ARID4A: variants seen among roughly 807,000 people sequenced by gnomAD.
The protein encoded by ARID4A is AT-rich interactive domain-containing protein 4A.
Under a neutral mutation model 148.6 loss-of-function variants are expected in ARID4A, and 39 were observed. The ratio of observed to expected loss-of-function variants is 0.26; its 90% confidence interval spans 0.20 to 0.34. The LOEUF is 0.34. Ranked by LOEUF, ARID4A falls within the 10% of genes least tolerant of loss-of-function variation. ARID4A has a pLI of 1.00. For missense variants in ARID4A, 1,265 were observed against 1,449.1 expected, an observed-to-expected ratio of 0.87 and a Z score of 2.06; for synonymous variants, 475 against 481.2, an observed-to-expected ratio of 0.99 and a Z score of 0.17.
At chr14:58,307,794 T>C (rs1431099998) in intron 5 of ARID4A, among the ~76,000 whole-genome samples, 1 of 152,236 alleles carries the variant, frequency 6.6e-6, no homozygotes, top group Non-Finnish European at 1.5e-5. Flanking sequence ...CACTCCAGCC[T>C]GGGCAACAAG....
intron 5 of ARID4A, among the ~76,000 whole-genome samples, chr14:58,308,382 T>C (rs940580663): frequency 6.6e-6 from 1 of 152,232 alleles, no homozygotes; most frequent in Non-Finnish European, 1.5e-5. Context: ...CAAGAATGTT[T>C]TAATAAGCAT....
intron 5 of ARID4A, among the ~76,000 whole-genome samples, chr14:58,312,130 CAT>C (rs912152889): frequency 3.3e-5 from 5 of 151,954 alleles, no homozygotes; most frequent in Admixed American, 2.0e-4. Context: ...AAGTGATCCA[CAT>C]GTTAATTAGC....
chr14:58,328,947 C>T (rs911462609), intron 9 of ARID4A, among the ~76,000 whole-genome samples: 3 of 151,058 alleles, frequency 2.0e-5, no homozygotes, highest in South Asian at 4.2e-4. Flanking sequence ...GAGCCGAGAT[C>T]GCGCCACTGC....
At chr14:58,327,827 A>G (rs1422561941) in intron 8 of ARID4A, among the ~76,000 whole-genome samples, 1 of 151,970 alleles carries the variant, frequency 6.6e-6, no homozygotes, top group African/African-American at 2.4e-5. Flanking sequence ...ACACACCACC[A>G]CACCAGGCTA....
chr14:58,344,697 T>G lies in ARID4A; in HGVS notation c.909T>G (p.Pro303=). Residue 303 remains proline, a splice_region_variant and synonymous_variant, in exon 12 of 24, where the codon CCT becomes CCG. Coordinates refer to ENST00000355431, the MANE Select transcript of ARID4A (RefSeq NM_002892.4). ...ATTTATATATTTTATCTTTACAGCCTGAGGAAGAACTTGATCCTGAAGAGA... is the reference window on the plus strand; with the variant it reads ...ATTTATATATTTTATCTTTACAGCCGGAGGAAGAACTTGATCCTGAAGAGA... ...KEAKKTEEEV[P]EEELDPEERD... The G allele has an allele frequency of 6.2e-7, 1 of 1,609,176 alleles. No individual in the cohort carries two copies. Among genetic ancestry groups the G allele is most frequent in the Non-Finnish European group, 8.5e-7 (1 of 1,176,372 alleles).
intron 23 of ARID4A, among the ~76,000 whole-genome samples, chr14:58,371,132 A>C (rs759825692): frequency 2.5e-4 from 38 of 152,238 alleles, no homozygotes; most frequent in Non-Finnish European, 5.0e-4. Context: ...TCTACAAAAA[A>C]TTTAAAAATT....
intron 16 of ARID4A, among the ~76,000 whole-genome samples, chr14:58,352,135 T>C (rs1355845173): frequency 6.6e-6 from 1 of 152,218 alleles, no homozygotes; most frequent in Non-Finnish European, 1.5e-5. Flanking sequence ...TTATGTGATA[T>C]TAAATTTTCT....
intron 16 of ARID4A, 179 bp downstream of exon 16, chr14:58,351,502 TA>T: frequency 3.8e-6 from 3 of 791,066 alleles, no homozygotes; most frequent in Non-Finnish European, 5.8e-6. Flanking sequence ...AATTGGAGAA[TA>T]TACTGGTCGC....
In ARID4A at chr14:58,364,861, A is replaced by G. The variant is rs2035285413; in HGVS notation, c.2772A>G (p.Gln924=). 1.2e-6 allele frequency: 2 copies of G among 1,614,152 alleles called. No homozygotes were observed. Among genetic ancestry groups the G allele is most frequent in the African/African-American group, 1.3e-5 (1 of 75,060 alleles). ...LIAESNQCIQ[Q]LTSERFDSPA... ...CAGAGTCAAACCAATGCATCCAACA[A>G]CTGACTAGTGAAAGATTTGATAGTC... is the stretch of plus-strand genomic sequence containing the variant. Residue 924 remains glutamine (Q), a synonymous_variant, in exon 20 of 24, where the codon CAA becomes CAG. Transcript: ENST00000355431.
In ARID4A at chr14:58,353,812, G is replaced by A. The variant is rs751895211; in HGVS notation, c.1810G>A (p.Gly604Arg). ...ASIKSTEIDD[G>R]EVLYLVHYYG... Reference sequence around the variant, plus strand: ...TATTAAAAGCACTGAAATTGATGACGGAGAAGTTTTATATTTGGTACATTA... The same window carrying A: ...TATTAAAAGCACTGAAATTGATGACAGAGAAGTTTTATATTTGGTACATTA... The change falls in exon 17 of 24, where the codon GGA becomes AGA. Residue 604 changes from glycine (G) to arginine (R), a missense_variant. Around this residue, in one of 9 missense-constraint regions of ARID4A, gnomAD observed 30 missense variants for 65.7 expected, o/e 0.46. Coordinates refer to ENST00000355431, the MANE Select transcript of ARID4A (RefSeq NM_002892.4). 32 of 1,613,666 alleles carry A rather than the reference G, an allele frequency of 2.0e-5. No homozygotes were observed. Among genetic ancestry groups the A allele is most frequent in the Admixed American group, 6.7e-5 (4 of 59,990 alleles).
intron 5 of ARID4A, among the ~76,000 whole-genome samples, chr14:58,313,467 A>T (rs2032193584): frequency 6.6e-6 from 1 of 152,180 alleles, no homozygotes; most frequent in Admixed American, 6.5e-5. Context: ...GGTGGAGCTC[A>T]GGTGGTAATG....
intron 5 of ARID4A, among the ~76,000 whole-genome samples, chr14:58,306,633 T>G (rs1452097904): frequency 2.6e-5 from 4 of 152,160 alleles, no homozygotes; most frequent in African/African-American, 7.2e-5. Context: ...ATCCTAGCAT[T>G]TTGGAAAGCT....
chr14:58,365,290 C>T lies in ARID4A; in HGVS notation c.3201C>T (p.Ser1067=). ...TCSIIVQERE[S]REKGQKRPSD... ...GTATAATTGTACAAGAGAGAGAGAG[C>T]AGAGAGAAGGGTAAGGACTTTCTAG... Residue 1067 remains serine, a synonymous_variant, in exon 20 of 24, where the codon AGC becomes AGT. Coordinates refer to ENST00000355431, the MANE Select transcript of ARID4A (RefSeq NM_002892.4). The T allele has an allele frequency of 6.2e-7, 1 of 1,609,044 alleles. No individual in the cohort carries two copies. The highest frequency in any genetic ancestry group is 8.5e-7 in the Non-Finnish European group (1 of 1,177,766).
intron 5 of ARID4A, among the ~76,000 whole-genome samples, chr14:58,310,884 C>T (rs1400128357): frequency 1.3e-5 from 2 of 151,586 alleles, no homozygotes; most frequent in Non-Finnish European, 2.9e-5. Context: ...GTATTTAATA[C>T]GGGGTTCATA....
intron 20 of ARID4A, 28 bp from the exon 21 acceptor site, chr14:58,365,485 TTTTTC>T: frequency 7.9e-7 from 1 of 1,260,568 alleles, no homozygotes; most frequent in Non-Finnish European, 1.1e-6. Context: ...TTTTTTTTTT[TTTTTC>T]AACATTCTCT....
chr14:58,304,884 T>C lies in ARID4A; in HGVS notation c.118-60T>C, dbSNP rs2031477536. ...ATTAAAGACATTATTGTTATAGTGT[T>C]ACTATAAATGTATTTGTTTTAAAAG... On this transcript the variant is annotated intron_variant, in intron 3 of 23. Transcript: ENST00000355431. The C allele has an allele frequency of 2.9e-5, 38 of 1,312,050 alleles. 1 individual carries two copies. The South Asian group carries it at 4.4e-4, about 15-fold the overall frequency. The allele number at this position is 1,312,050 out of a possible 1,614,324, so 81.3% of individuals were successfully genotyped here.
Position 58,361,039 on chromosome 14 carries a change from T to C in ARID4A, c.2077T>C (p.Ser693Pro), listed in dbSNP as rs1262611561. ...TAAGACAGCAAACAGTGAAGGAAAA[T>C]CAGGTACCAGAAGTGCTCGCAGCAA... is the stretch of plus-strand genomic sequence containing the variant. ...LSKTANSEGKSDSCSSDSETE... is the reference protein window; with the variant it reads ...LSKTANSEGKPDSCSSDSETE... Residue 693 changes from serine (S) to proline (P), a missense_variant, in exon 19 of 24, where the codon TCA becomes CCA. By Grantham distance (74) the Ser-to-Pro change is moderately conservative (BLOSUM62 -1). Around this residue, in one of 9 missense-constraint regions of ARID4A, gnomAD observed 666 missense variants for 730.9 expected, o/e 0.91. Coordinates refer to ENST00000355431, the MANE Select transcript of ARID4A (RefSeq NM_002892.4). 2 of 1,613,132 alleles carry C rather than the reference T, an allele frequency of 1.2e-6. No individual in the cohort carries two copies. Among genetic ancestry groups the C allele is most frequent in the Admixed American group, 3.3e-5 (2 of 59,930 alleles).
chr14:58,365,126 C>G lies in ARID4A; in HGVS notation c.3037C>G (p.Gln1013Glu), dbSNP rs769454282. 8 of 1,614,056 alleles carry G rather than the reference C, an allele frequency of 5.0e-6. No individual in the cohort carries two copies. Among genetic ancestry groups the G allele is most frequent in the Non-Finnish European group, 6.8e-6 (8 of 1,179,992 alleles). Residue 1013 changes from glutamine to glutamate, a missense_variant, in exon 20 of 24, where the codon CAA becomes GAA. Around this residue, in one of 9 missense-constraint regions of ARID4A, gnomAD observed 666 missense variants for 730.9 expected, o/e 0.91. Coordinates refer to ENST00000355431, the MANE Select transcript of ARID4A (RefSeq NM_002892.4). ...FSVASPLTLS[Q>E]DESRSVKSES... ...AGTAGCTTCACCACTTACTCTTAGT[C>G]AAGATGAGTCTCGAAGCGTAAAAAG...
At chr14:58,327,149 G>T (rs1221160664) in intron 8 of ARID4A, among the ~76,000 whole-genome samples, 1 of 152,236 alleles carries the variant, frequency 6.6e-6, no homozygotes, top group East Asian at 1.9e-4. Context: ...AAATAAAATA[G>T]AATTAAAAAT....
Sources: gnomAD v4.1 joint callset for allele counts (sites outside exome capture counted in the v4.1 genomes callset) on GRCh38, gnomAD v4.1.1 for gene constraint, gnomAD v4.1.1 regional missense constraint, MANE v1.5 for transcripts, NCBI Gene and HGNC (gene_info 2026-07-23, HGNC 2026-07-21) for gene names.